The following NDST3 variants were observed in gnomAD, a reference collection of about 807,000 sequenced individuals.
NDST3 encodes the protein N-deacetylase and N-sulfotransferase 3.
In NDST3, 58 loss-of-function variants were observed where a neutral mutation model predicts 96.1. The ratio of observed to expected loss-of-function variants is 0.60; its 90% CI spans 0.49 to 0.75. The LOEUF (loss-of-function observed/expected upper bound fraction) is 0.75. Among genes scored for constraint, NDST3 ranks in the 30% least tolerant of loss-of-function variants. NDST3 has a pLI of 0.00. For missense variants in NDST3, 788 were observed against 1,034.2 expected (o/e 0.76, Z 3.27); for synonymous variants, 333 against 359.7 (o/e 0.93, Z 0.84).
At chr4:118,050,875 A>G (rs1725035303) in intron 1 of NDST3, among the ~76,000 whole-genome samples, 1 of 152,166 alleles carries the variant, frequency 6.6e-6, no homozygotes, top group Non-Finnish European at 1.5e-5. Flanking sequence ...AAACTGTTCT[A>G]AAATTCACAT....
At chr4:118,190,606 C>G (rs1198145508) in intron 6 of NDST3, among the ~76,000 whole-genome samples, 9 of 152,122 alleles carry the variant, frequency 5.9e-5, no homozygotes, top group Admixed American at 5.9e-4. Flanking sequence ...GTATAGAGGT[C>G]AGGACAGAAG....
intron 6 of NDST3, chr4:118,194,057 T>C (rs1276410028): frequency 1.4e-6 from 2 of 1,446,652 alleles, no homozygotes; most frequent in Admixed American, 1.7e-5. Context: ...ATATTTCAGC[T>C]AGGCATTTGG....
At chr4:118,137,815 T>A (rs1733238202) in intron 4 of NDST3, among the ~76,000 whole-genome samples, 1 of 152,160 alleles carries the variant, frequency 6.6e-6, no homozygotes, top group African/African-American at 2.4e-5. Context: ...TTCATTAAAA[T>A]CACTAGATCT....
At chr4:118,091,997 G>T (rs890257200) in intron 2 of NDST3, among the ~76,000 whole-genome samples, 13 of 151,334 alleles carry the variant, frequency 8.6e-5, no homozygotes, top group Non-Finnish European at 1.0e-4. Flanking sequence ...CAGCTATGAG[G>T]CATTAAATAT....
At position 118,053,789 on chromosome 4, in the gene NDST3, C is replaced by A; in HGVS notation, c.-122C>A. The A allele has an allele frequency of 9.6e-7, 1 of 1,044,354 alleles. No individual in the cohort carries two copies. 64.7% of individuals were successfully genotyped at this position (1,044,354 alleles called of 1,614,324 possible). ...TTCTGTGAGTCCTGATCAAGTGATA[C>A]AAATGAGCTGCAATGGTGACATAAA... On this transcript the variant is annotated 5_prime_UTR_variant, in exon 2 of 14. Coordinates refer to ENST00000296499, the MANE Select transcript of NDST3 (RefSeq NM_004784.3).
At chr4:118,215,448 C>G (rs1027627216) in intron 6 of NDST3, among the ~76,000 whole-genome samples, 1 of 151,940 alleles carries the variant, frequency 6.6e-6, no homozygotes, top group Non-Finnish European at 1.5e-5. Context: ...ATGGTGGGGA[C>G]AAAACCCAAG....
chr4:118,064,416 A>G (rs1363303030), intron 2 of NDST3, among the ~76,000 whole-genome samples: 1 of 152,162 alleles, frequency 6.6e-6, no homozygotes, highest in African/African-American at 2.4e-5. Context: ...GAAGTACAAA[A>G]TGGATCTTAA....
At position 118,115,743 on chromosome 4, in the gene NDST3, CAACT is replaced by C. The variant is rs137968864; in HGVS notation, c.1224+784_1224+787del. On this transcript the variant is annotated intron_variant, in intron 4 of 13. Transcript: ENST00000296499. The stretch of plus-strand genomic sequence containing the variant: ...ACTTACATGGAATGGTTTTCTACAC[CAACT>C]GTTAGAACTAAGAAGTTTCAGTTGG... 9.3e-3 allele frequency among the ~76,000 whole-genome samples: 1,414 copies of C among 152,200 alleles called. 13 individuals carry two copies. The highest frequency in any genetic ancestry group is 0.032 in the African/African-American group (1,333 of 41,538).
intron 6 of NDST3, among the ~76,000 whole-genome samples, chr4:118,217,545 T>C (rs1412548360): frequency 6.6e-6 from 1 of 152,122 alleles, no homozygotes; most frequent in Non-Finnish European, 1.5e-5. Context: ...ATGATAAAAA[T>C]GAAACTTCTG....
chr4:118,074,405 T>G (rs1052072344), intron 2 of NDST3, among the ~76,000 whole-genome samples: 3 of 152,192 alleles, frequency 2.0e-5, no homozygotes, highest in Non-Finnish European at 4.4e-5. Context: ...CTCTAAGAAC[T>G]CATTTTGTGA....
rs1164237957 is a variant in NDST3, at chr4:118,238,181, AAGAAAGAAAG to A, written c.2118+963_2118+972del. 2.2e-4 allele frequency among the ~76,000 whole-genome samples: 33 copies of A among 147,432 alleles called. No individual in the cohort carries two copies. The South Asian group carries it at 7.3e-3, about 32-fold the overall frequency. The stretch of plus-strand genomic sequence containing the variant: ...AAAGAAAGAAAGAAAGAAAGAAAGA[AAGAAAGAAAG>A]AAAGAAAGAAAGAAAGAAAGAAAGA... On this transcript the variant is annotated intron_variant, in intron 10 of 13. Coordinates refer to ENST00000296499, the MANE Select transcript of NDST3 (RefSeq NM_004784.3).
At chr4:118,250,877 T>C (rs1440755675) in intron 12 of NDST3, among the ~76,000 whole-genome samples, 1 of 152,000 alleles carries the variant, frequency 6.6e-6, no homozygotes, top group Non-Finnish European at 1.5e-5. Context: ...ATATATTTTT[T>C]ACAAATGTTT....
At position 118,170,719 on chromosome 4, in the gene NDST3, A is replaced by AC. The variant is rs1345558004; in HGVS notation, c.1539+27039dup. ...ACTCCAGCCTGGGCGACAGAGTGAG[A>AC]CCCCATCTCAAAAAAAGAAACAAAG... On this transcript the variant is annotated intron_variant, in intron 6 of 13. Transcript: ENST00000296499. 3.3e-5 allele frequency among the ~76,000 whole-genome samples: 5 copies of AC among 152,080 alleles called. No individual in the cohort carries two copies. The South Asian group carries it at 8.3e-4, about 25-fold the overall frequency.
intron 6 of NDST3, among the ~76,000 whole-genome samples, chr4:118,148,027 A>G (rs1372064940): frequency 6.6e-6 from 1 of 152,214 alleles, no homozygotes; most frequent in Non-Finnish European, 1.5e-5. Context: ...GGCCAGGCGC[A>G]GTGGCTCACG....
At chr4:118,033,511 T>A (rs1439778752), upstream of NDST3, 1 of 151,478 alleles carries the variant, frequency 6.6e-6, no homozygotes, top group South Asian at 2.1e-4. Context: ...GGGAGCCCGG[T>A]CGATGGAGGC....
chr4:118,249,709 A>T (rs1578873719), intron 12 of NDST3, among the ~76,000 whole-genome samples: 1 of 148,634 alleles, frequency 6.7e-6, no homozygotes, highest in African/African-American at 2.5e-5. Context: ...AAGATTAACT[A>T]CATATAGACT....
chr4:118,238,225 A>G (rs1011526148), intron 10 of NDST3, among the ~76,000 whole-genome samples: 2 of 139,030 alleles, frequency 1.4e-5, no homozygotes, highest in East Asian at 2.0e-4. Flanking sequence ...GAAAGAAAGA[A>G]AAAGAAAGAA....
In NDST3 at chr4:118,219,781, A is replaced by G. The variant is rs533582679; in HGVS notation, c.1540-4710A>G. 3.3e-5 allele frequency among the ~76,000 whole-genome samples: 5 copies of G among 149,878 alleles called. No individual in the cohort carries two copies. The South Asian group carries it at 1.0e-3, about 31-fold the overall frequency. ...CAGAATGCAAGAAAATTTTTGCAGTAAATCCACTACAAGGAATTTAAACAA... is the reference window on the plus strand; with the variant it reads ...CAGAATGCAAGAAAATTTTTGCAGTGAATCCACTACAAGGAATTTAAACAA... On this transcript the variant is annotated intron_variant, in intron 6 of 13. Coordinates refer to ENST00000296499, the MANE Select transcript of NDST3 (RefSeq NM_004784.3).
At chr4:118,068,313 T>C (rs1229566633) in intron 2 of NDST3, among the ~76,000 whole-genome samples, 2 of 151,954 alleles carry the variant, frequency 1.3e-5, no homozygotes, top group Non-Finnish European at 2.9e-5. Flanking sequence ...ACTTTTATTG[T>C]TGATGAACCT....
Sources: allele counts gnomAD v4.1 joint callset (sites outside exome capture counted in the v4.1 genomes callset), GRCh38; gene constraint gnomAD v4.1.1; transcripts MANE v1.5; gene names NCBI Gene and HGNC (gene_info 2026-07-23, HGNC 2026-07-21).